HAPLN1: variants seen among roughly 807,000 people sequenced by gnomAD.
The protein encoded by HAPLN1 is Cartilage link protein.
In HAPLN1, 13 loss-of-function variants were observed where a neutral mutation model predicts 36.5. The ratio of observed to expected loss-of-function variants is 0.36; its 90% CI spans 0.23 to 0.57. The LOEUF is 0.57. Among genes scored for constraint, HAPLN1 ranks in the 20% least tolerant of loss-of-function variants. The pLI is 0.83. For missense variants in HAPLN1, 407 were observed against 439.7 expected (o/e 0.93, Z 0.66); for synonymous variants, 202 against 169.8 (o/e 1.19, Z -1.48).
chr5:83,708,968 A>G (rs1000125556), intron 1 of HAPLN1, among the ~76,000 whole-genome samples: 2 of 151,996 alleles, frequency 1.3e-5, no homozygotes, highest in Admixed American at 6.6e-5. Flanking sequence ...CCTTCCCTCC[A>G]AGGTTCAAGC....
At position 83,652,656 on chromosome 5, in the gene HAPLN1, T is replaced by A; in HGVS notation, c.269A>T (p.Lys90Met). The change falls in exon 3 of 5, where the codon AAG (lysine) becomes ATG (methionine). Residue 90 changes from lysine to methionine, a missense_variant. Coordinates refer to ENST00000274341, the MANE Select transcript of HAPLN1 (RefSeq NM_001884.4). The part of the protein sequence containing the change: ...KWTKLTSDYL[K>M]EVDVFVSMGY... ...CATGGAAACAAAAACATCCACTTCCTTGAGGTAATCCGAAGTTAGCTTGGT... is the reference window on the plus strand; with the variant it reads ...CATGGAAACAAAAACATCCACTTCCATGAGGTAATCCGAAGTTAGCTTGGT... 1.9e-6 allele frequency: 3 copies of A among 1,614,146 alleles called. No homozygotes were observed. The highest frequency in any genetic ancestry group is 2.5e-6 in the Non-Finnish European group (3 of 1,180,006).
intron 2 of HAPLN1, among the ~76,000 whole-genome samples, chr5:83,657,257 T>C (rs1028777507): frequency 6.6e-6 from 1 of 151,878 alleles, no homozygotes; most frequent in Non-Finnish European, 1.5e-5. Context: ...CACCACACCC[T>C]GCTAATTTTT....
intron 1 of HAPLN1, among the ~76,000 whole-genome samples, chr5:83,680,462 G>A (rs975393932): frequency 2.0e-5 from 3 of 152,082 alleles, no homozygotes; most frequent in Admixed American, 2.0e-4. Context: ...ATAGTATTTA[G>A]CATGTTTCTG....
chr5:83,697,273 T>C (rs1251216513), intron 1 of HAPLN1, among the ~76,000 whole-genome samples: 1 of 152,180 alleles, frequency 6.6e-6, no homozygotes, highest in Non-Finnish European at 1.5e-5. Flanking sequence ...TATTGACTGA[T>C]GTAAATTGAA....
chr5:83,679,382 A>C (rs1180417180), intron 1 of HAPLN1, among the ~76,000 whole-genome samples: 2 of 152,088 alleles, frequency 1.3e-5, no homozygotes, highest in East Asian at 3.9e-4. Context: ...ATTTACGAAA[A>C]ATTTATATTC....
intron 2 of HAPLN1, among the ~76,000 whole-genome samples, chr5:83,658,899 T>C (rs1268613432): frequency 6.6e-6 from 1 of 152,122 alleles, no homozygotes; most frequent in Non-Finnish European, 1.5e-5. Flanking sequence ...GGATCTTGAG[T>C]CTCTAGAAAG....
At chr5:83,666,357 C>T (rs376310805) in intron 2 of HAPLN1, among the ~76,000 whole-genome samples, 6 of 152,202 alleles carry the variant, frequency 3.9e-5, no homozygotes, top group South Asian at 4.1e-4. Flanking sequence ...AAAAGAAAGG[C>T]GTCACTATTT....
At chr5:83,641,891 G>A in intron 4 of HAPLN1, 106 bp from the exon 5 acceptor site, 1 of 1,164,298 alleles carries the variant, frequency 8.6e-7, no homozygotes, top group Non-Finnish European at 1.2e-6. Flanking sequence ...GGGATATAGA[G>A]CAATGTTTGT....
chr5:83,646,518 G>A lies in HAPLN1; in HGVS notation c.473-1853C>T, dbSNP rs568388263. Among the ~76,000 whole-genome samples, 8 of 152,298 alleles carry A rather than the reference G, an allele frequency of 5.3e-5. No homozygotes were observed. The East Asian group carries it at 5.8e-4, about 11-fold the overall frequency. On this transcript the variant is annotated intron_variant, in intron 3 of 4. Transcript: ENST00000274341. Reference sequence around the variant, plus strand: ...TCAAGTCACATCCACTGAAGGCCTCGGTAGGACACGTTTGTCTCTGTAGGG... The same window carrying A: ...TCAAGTCACATCCACTGAAGGCCTCAGTAGGACACGTTTGTCTCTGTAGGG...
At chr5:83,689,172 G>A (rs1307729519) in intron 1 of HAPLN1, among the ~76,000 whole-genome samples, 1 of 152,046 alleles carries the variant, frequency 6.6e-6, no homozygotes, top group South Asian at 2.1e-4. Flanking sequence ...CATTTTTCAT[G>A]ATAAAATTAT....
chr5:83,705,814 C>T (rs537619407), intron 1 of HAPLN1, among the ~76,000 whole-genome samples: 12 of 151,648 alleles, frequency 7.9e-5, no homozygotes, highest in East Asian at 1.9e-4. Context: ...TTAATAAGAT[C>T]GAAAGACTGC....
intron 1 of HAPLN1, among the ~76,000 whole-genome samples, chr5:83,700,061 G>A (rs1361991600): frequency 6.6e-6 from 1 of 152,102 alleles, no homozygotes; most frequent in East Asian, 1.9e-4. Flanking sequence ...GGGCATGGTG[G>A]CTCATGCCTG....
intron 2 of HAPLN1, among the ~76,000 whole-genome samples, chr5:83,656,485 C>T (rs1276735364): frequency 1.3e-5 from 2 of 149,736 alleles, no homozygotes; most frequent in African/African-American, 2.5e-5. Context: ...ATGTAGCATA[C>T]AAGTGTCCAT....
At chr5:83,711,254 A>G (rs1751778691) in intron 1 of HAPLN1, among the ~76,000 whole-genome samples, 1 of 152,216 alleles carries the variant, frequency 6.6e-6, no homozygotes, top group South Asian at 2.1e-4. Context: ...TACAGGGCTC[A>G]AGAAACAATG....
In HAPLN1 at chr5:83,639,244, A is replaced by G. The variant is rs1749609353; in HGVS notation, c.*2252T>C. ...TCCTTTGAGCAAAATGAGAAGAAAAAATTCTGCTCAGCAGTATTCACTGTG... is the reference window on the plus strand; with the variant it reads ...TCCTTTGAGCAAAATGAGAAGAAAAGATTCTGCTCAGCAGTATTCACTGTG... On this transcript the variant is annotated 3_prime_UTR_variant, in exon 5 of 5. Coordinates refer to ENST00000274341, the MANE Select transcript of HAPLN1 (RefSeq NM_001884.4). The G allele has an allele frequency of 6.6e-6, 1 of 152,048 alleles. No individual in the cohort carries two copies. The highest frequency in any genetic ancestry group is 1.5e-5 in the Non-Finnish European group (1 of 67,910). The allele number at this position is 152,048 out of a possible 1,614,324, so 9.4% of individuals were successfully genotyped here.
rs552764671 is a variant in HAPLN1 at position 83,639,725 on chromosome 5, T to C, written c.*1771A>G. The C allele has an allele frequency of 6.6e-6, 1 of 152,236 alleles. No individual in the cohort carries two copies. The highest frequency in any genetic ancestry group is 1.5e-5 in the Non-Finnish European group (1 of 67,950). The allele number at this position is 152,236 out of a possible 1,614,324, so 9.4% of individuals were successfully genotyped here. A position where few individuals can be genotyped will look rare whatever the true frequency, so the allele number is the denominator to read the frequency against. Reference sequence around the variant, plus strand: ...CTTTACAAACTCTTTGGATTTATAGTTTTGTACAGTTTGCATATCCAACCT... The same window carrying C: ...CTTTACAAACTCTTTGGATTTATAGCTTTGTACAGTTTGCATATCCAACCT... On this transcript the variant is annotated 3_prime_UTR_variant, in exon 5 of 5. Transcript: ENST00000274341.
rs1749790559 is a variant in HAPLN1, at chr5:83,644,419, A to G, written c.719T>C (p.Phe240Ser). The G allele has an allele frequency of 6.2e-7, 1 of 1,600,026 alleles. No individual in the cohort carries two copies. The highest frequency in any genetic ancestry group is 1.4e-5 in the African/African-American group (1 of 73,944). Residue 240 changes from phenylalanine to serine, a missense_variant, in exon 4 of 5, where the codon TTT (phenylalanine) becomes TCT (serine). By Grantham distance (155) the Phe-to-Ser change is radical (BLOSUM62 -2). Coordinates refer to ENST00000274341, the MANE Select transcript of HAPLN1 (RefSeq NM_001884.4). ...ATATCTGCTTTTATCTTTATCCCAAAATCCGTAGTTCCTGACTCCGGGCAC... is the reference window on the plus strand; with the variant it reads ...ATATCTGCTTTTATCTTTATCCCAAGATCCGTAGTTCCTGACTCCGGGCAC... ...NTVPGVRNYG[F>S]WDKDKSRYDV...
At chr5:83,647,095 C>G (rs1749899776) in intron 3 of HAPLN1, among the ~76,000 whole-genome samples, 1 of 152,178 alleles carries the variant, frequency 6.6e-6, no homozygotes, top group Non-Finnish European at 1.5e-5. Context: ...GGTGGACTCT[C>G]ATAAACATCG....
intron 3 of HAPLN1, among the ~76,000 whole-genome samples, chr5:83,646,416 A>G (rs1262912708): frequency 6.6e-6 from 1 of 152,260 alleles, no homozygotes; most frequent in African/African-American, 2.4e-5. Context: ...CACTAATAGC[A>G]TAACCAGTAC....
Sources: allele counts gnomAD v4.1 joint callset (sites outside exome capture counted in the v4.1 genomes callset), GRCh38; gene constraint gnomAD v4.1.1; transcripts MANE v1.5; gene names NCBI Gene and HGNC (gene_info 2026-07-23, HGNC 2026-07-21).